The following ARFGEF3 variants were observed in gnomAD, a reference collection of about 807,000 sequenced individuals.
ARFGEF3 encodes the protein ARFGEF family member 3, also known as brefeldin A-inhibited guanine nucleotide-exchange protein 3.
Under a neutral mutation model 221.7 loss-of-function variants are expected in ARFGEF3, and 96 were observed. That is an observed-to-expected ratio of 0.43 (90% CI 0.37 to 0.51). The LOEUF is 0.51. Ranked by LOEUF, ARFGEF3 falls within the 20% of genes least tolerant of loss-of-function variation. The pLI, the probability that ARFGEF3 is intolerant of heterozygous loss-of-function variation, is 0.00. For synonymous variants in ARFGEF3, 1,145 were observed against 1,126.8 expected, an observed-to-expected ratio of 1.02 and a Z score of -0.32; for missense variants, 2,410 against 2,789.9, an observed-to-expected ratio of 0.86 and a Z score of 3.07.
chr6:138,197,894 G>A (rs924465682), intron 2 of ARFGEF3, among the ~76,000 whole-genome samples: 1 of 152,032 alleles, frequency 6.6e-6, no homozygotes, highest in African/African-American at 2.4e-5. Flanking sequence ...TATTAAAATC[G>A]GTACAAATGG....
chr6:138,259,357 TC>T (rs1197521736), intron 10 of ARFGEF3, among the ~76,000 whole-genome samples: 2 of 152,244 alleles, frequency 1.3e-5, no homozygotes, highest in African/African-American at 4.8e-5. Context: ...TTTTTGTTTT[TC>T]AAAGCACAGC....
At chr6:138,273,302 C>T (rs1779037061) in intron 12 of ARFGEF3, among the ~76,000 whole-genome samples, 1 of 152,174 alleles carries the variant, frequency 6.6e-6, no homozygotes, top group South Asian at 2.1e-4. Context: ...CTCTTAGACA[C>T]AGAAGAGATT....
Position 138,245,568 on chromosome 6 carries a change from T to G in ARFGEF3, c.642T>G (p.Cys214Trp). ...TTGTCTCTGTACTCACCGTCCTGTG[T>G]GAGAAGCTGCAAGCCGCCATAAAGT... ...DDVVSVLTVLCEKLQAAINDS... is the reference protein window; with the variant it reads ...DDVVSVLTVLWEKLQAAINDS... The change falls in exon 8 of 34, where the codon TGT becomes TGG. Residue 214 changes from cysteine to tryptophan, a missense_variant. Around this residue, in one of 5 missense-constraint regions of ARFGEF3, gnomAD observed 570 missense variants for 586.9 expected, o/e 0.97. Transcript: ENST00000251691. The G allele has an allele frequency of 1.2e-6, 2 of 1,609,396 alleles. No homozygotes were observed. Among genetic ancestry groups the G allele is most frequent in the Non-Finnish European group, 1.7e-6 (2 of 1,178,088 alleles).
chr6:138,272,129 T>C (rs1020129747), intron 12 of ARFGEF3, among the ~76,000 whole-genome samples: 4 of 138,550 alleles, frequency 2.9e-5, no homozygotes, highest in African/African-American at 1.1e-4. Flanking sequence ...ATTTATAGCA[T>C]ACTAGCAGAT....
At chr6:138,234,474 C>CTGTG (rs760043386) in intron 5 of ARFGEF3, among the ~76,000 whole-genome samples, 4 of 143,676 alleles carry the variant, frequency 2.8e-5, no homozygotes, top group Non-Finnish European at 5.9e-5. Flanking sequence ...TCAGTTCACC[C>CTGTG]CGTGTGTGTG....
chr6:138,221,106 C>G (rs1777975256), intron 4 of ARFGEF3, among the ~76,000 whole-genome samples: 1 of 152,004 alleles, frequency 6.6e-6, no homozygotes, highest in Admixed American at 6.6e-5. Flanking sequence ...TGCATCAGGT[C>G]CAGGTGGGAA....
intron 20 of ARFGEF3, among the ~76,000 whole-genome samples, chr6:138,294,581 T>G (rs1448404216): frequency 6.6e-6 from 1 of 152,166 alleles, no homozygotes; most frequent in Non-Finnish European, 1.5e-5. Context: ...TGCCTACCAC[T>G]CTTGCAAAAC....
At chr6:138,294,908 G>A (rs767795356) in intron 20 of ARFGEF3, among the ~76,000 whole-genome samples, 31 of 152,164 alleles carry the variant, frequency 2.0e-4, no homozygotes, top group Non-Finnish European at 4.0e-4. Flanking sequence ...TCTATCCTTA[G>A]GAATCTAAAG....
intron 23 of ARFGEF3, among the ~76,000 whole-genome samples, chr6:138,307,738 G>A (rs1257708112): frequency 6.6e-6 from 1 of 152,204 alleles, no homozygotes; most frequent in Non-Finnish European, 1.5e-5. Flanking sequence ...ATAACACAGA[G>A]TAACCAGAAT....
intron 28 of ARFGEF3, among the ~76,000 whole-genome samples, chr6:138,320,284 G>A (rs1268101519): frequency 6.6e-6 from 1 of 152,174 alleles, no homozygotes; most frequent in Non-Finnish European, 1.5e-5. Context: ...GAGGCTAAAT[G>A]GAGGAGGCAG....
intron 12 of ARFGEF3, among the ~76,000 whole-genome samples, chr6:138,269,393 G>A (rs895065107): frequency 1.3e-5 from 2 of 152,250 alleles, no homozygotes; most frequent in African/African-American, 2.4e-5. Context: ...GCAAATACAA[G>A]TTTACCTTGC....
intron 2 of ARFGEF3, among the ~76,000 whole-genome samples, chr6:138,198,429 T>C (rs1385744046): frequency 6.6e-6 from 1 of 152,232 alleles, no homozygotes; most frequent in African/African-American, 2.4e-5. Flanking sequence ...TTAACTGCAC[T>C]GTAGAGAAAA....
intron 2 of ARFGEF3, among the ~76,000 whole-genome samples, chr6:138,199,752 T>G (rs1777498660): frequency 6.6e-6 from 1 of 152,232 alleles, no homozygotes. Context: ...CTGAATTCTT[T>G]TATCAGTTCT....
At chr6:138,225,178 T>C (rs1225816866) in intron 4 of ARFGEF3, among the ~76,000 whole-genome samples, 3 of 152,268 alleles carry the variant, frequency 2.0e-5, no homozygotes, top group Non-Finnish European at 2.9e-5. Flanking sequence ...TTTCTCTCTC[T>C]GACTTCCAAT....
At chr6:138,208,488 G>A (rs1777664031) in intron 3 of ARFGEF3, among the ~76,000 whole-genome samples, 1 of 152,130 alleles carries the variant, frequency 6.6e-6, no homozygotes, top group Non-Finnish European at 1.5e-5. Context: ...GTAAAAGAGG[G>A]AGTTATTACA....
chr6:138,302,854 T>C (rs1321769546), intron 22 of ARFGEF3, among the ~76,000 whole-genome samples: 3 of 152,228 alleles, frequency 2.0e-5, no homozygotes, highest in Non-Finnish European at 4.4e-5. Flanking sequence ...ATTTGGAGAA[T>C]ATCTTGCCAG....
Position 138,290,099 on chromosome 6 carries a change from G to A in ARFGEF3, c.3047+131G>A, listed in dbSNP as rs145853526. 339 of 880,302 alleles carry A rather than the reference G, an allele frequency of 3.9e-4. 1 individual carries two copies. The East Asian group carries it at 7.5e-3, about 20-fold the overall frequency. The allele number at this position is 880,302 out of a possible 1,614,324, so 54.5% of individuals were successfully genotyped here. ...TAAATCAATTATAACAATTCACAGA[G>A]TTTGATTAAACTTCAAATGAGACGT... On this transcript the variant is annotated intron_variant, in intron 18 of 33. Transcript: ENST00000251691.
intron 4 of ARFGEF3, chr6:138,216,701 T>G (rs993792481): frequency 1.3e-5 from 2 of 152,228 alleles, no homozygotes; most frequent in Non-Finnish European, 2.9e-5. Context: ...AAATCTCTTC[T>G]TAGCCTGAAG....
At chr6:138,205,143 T>TTG (rs2114490547) in intron 2 of ARFGEF3, among the ~76,000 whole-genome samples, 1 of 152,308 alleles carries the variant, frequency 6.6e-6, no homozygotes, top group Non-Finnish European at 1.5e-5. Flanking sequence ...GGTCAACACA[T>TTG]TGAGGATTTC....
Sources: gnomAD v4.1 joint callset for allele counts (sites outside exome capture counted in the v4.1 genomes callset) on GRCh38, gnomAD v4.1.1 for gene constraint, gnomAD v4.1.1 regional missense constraint, MANE v1.5 for transcripts, NCBI Gene and HGNC (gene_info 2026-07-23, HGNC 2026-07-21) for gene names.